Variants in TCEA2 observed in about 807,000 individuals in gnomAD.
TCEA2 encodes transcription elongation factor A protein 2.
TCEA2 carries 21 observed loss-of-function variants against 40.8 expected under a neutral mutation model. The observed-to-expected ratio is 0.51, with a 90% confidence interval of 0.36 to 0.74. The LOEUF is 0.74. TCEA2 is among the 30% of genes least tolerant of loss of function. TCEA2 has a pLI of 0.00. For missense variants in TCEA2, 326 were observed against 426.5 expected (o/e 0.76, Z 2.08); for synonymous variants, 165 against 162.7 (o/e 1.01, Z -0.11).
chr20:64,061,096 CTTT>C (rs71197441), upstream of TCEA2, among the ~76,000 whole-genome samples: 2 of 60,522 alleles, frequency 3.3e-5, no homozygotes, highest in Admixed American at 5.6e-4. Context: ...CAGCCTGAGT[CTTT>C]TTTTTTTTTT....
chr20:64,059,279 C>T (rs2059518898), upstream of TCEA2, among the ~76,000 whole-genome samples: 1 of 152,040 alleles, frequency 6.6e-6, no homozygotes, highest in Admixed American at 6.5e-5. Context: ...GGGTCTCTGA[C>T]CCCCTGGATT....
At chr20:64,066,281 G>A (rs2059691713) in intron 1 of TCEA2, 195 bp from the exon 2 acceptor site, 1 of 590,940 alleles carries the variant, frequency 1.7e-6, no homozygotes, top group Admixed American at 3.0e-5. Flanking sequence ...GAGCAGTAAG[G>A]GTTCCCTGCT....
In TCEA2 at chr20:64,068,132, C is replaced by T; in HGVS notation, c.327C>T (p.Pro109=). ...SSRDASEAPD[P]SRKRPELPRA... ...GGGATGCCTCAGAGGCCCCGGATCC[C>T]AGGTAGCACACCTGGAAGGCAGGTG... The change falls in exon 4 of 10, where the codon CCC becomes CCT. Residue 109 remains proline, a splice_region_variant and synonymous_variant. Transcript: ENST00000343484. 6.2e-7 allele frequency: 1 copy of T among 1,607,440 alleles called. No homozygotes were observed. Among genetic ancestry groups the T allele is most frequent in the Non-Finnish European group, 8.5e-7 (1 of 1,177,444 alleles).
chr20:64,058,344 C>T (rs770610657), upstream of TCEA2, among the ~76,000 whole-genome samples: 2 of 152,234 alleles, frequency 1.3e-5, no homozygotes, highest in African/African-American at 2.4e-5. The surrounding 1 kb of genome is among the most constrained non-coding windows in gnomAD (Gnocchi z 6.7). Context: ...GAGGGATCCC[C>T]GACCTGCCAG....
chr20:64,066,927 G>A lies in TCEA2; in HGVS notation c.148G>A (p.Gly50Arg), dbSNP rs1798285134. The change falls in exon 3 of 10, where the codon GGG becomes AGG. Residue 50 changes from glycine (G) to arginine (R), a missense_variant. By Grantham distance (125) the Gly-to-Arg change is moderately radical. Coordinates refer to ENST00000343484, the MANE Select transcript of TCEA2 (RefSeq NM_003195.6). The part of the protein sequence containing the change: ...TLHLLQSTRV[G>R]MSVNALRKQS... ...ACTTGCCTCGTAGTCCACCCGAGTC[G>A]GGATGTCTGTCAACGCCCTTCGGAA... 6.2e-7 allele frequency: 1 copy of A among 1,613,808 alleles called. No homozygotes were observed. Among genetic ancestry groups the A allele is most frequent in the Non-Finnish European group, 8.5e-7 (1 of 1,179,936 alleles).
intron 1 of TCEA2, 155 bp from the exon 2 acceptor site, chr20:64,066,321 G>A: frequency 1.3e-6 from 1 of 796,774 alleles, no homozygotes. Flanking sequence ...GCAGAGCCCT[G>A]GGTGTCTCCA....
chr20:64,066,372 C>T (rs945052324), intron 1 of TCEA2, 104 bp from the exon 2 acceptor site: 2 of 1,423,450 alleles, frequency 1.4e-6, no homozygotes, highest in African/African-American at 1.4e-5. Flanking sequence ...CAGGTTGAAT[C>T]TCCAAATTGT....
At chr20:64,058,316 C>T (rs1336294210), upstream of TCEA2, among the ~76,000 whole-genome samples, 2 of 152,358 alleles carry the variant, frequency 1.3e-5, no homozygotes, top group East Asian at 1.9e-4. The surrounding 1 kb of genome is among the most constrained non-coding windows in gnomAD (Gnocchi z 6.7). Context: ...GCTGGGCCCA[C>T]GGCTGACACC....
upstream of TCEA2, among the ~76,000 whole-genome samples, chr20:64,059,029 A>G (rs1462023230): frequency 1.3e-5 from 2 of 152,050 alleles, no homozygotes; most frequent in African/African-American, 2.4e-5. Context: ...CGTCTCTACT[A>G]AAAATACAAA....
chr20:64,065,088 G>A lies in TCEA2; in HGVS notation c.73-1388G>A, dbSNP rs555795303. Among the ~76,000 whole-genome samples, 3 of 152,274 alleles carry A rather than the reference G, an allele frequency of 2.0e-5. 1 individual carries two copies. Among genetic ancestry groups the A allele is most frequent in the Middle Eastern group, 6.8e-3 (2 of 294 alleles). ...GAGTGGGAGCCAGCAGAGCCTCCTG[G>A]GGGTCCCAGTGCCTGAGGTCCCCTC... is the stretch of plus-strand genomic sequence containing the variant. On this transcript the variant is annotated intron_variant, in intron 1 of 9. Transcript: ENST00000343484.
Position 64,066,535 on chromosome 20 carries a change from C to T in TCEA2, c.132C>T (p.Leu44=). 6.2e-7 allele frequency: 1 copy of T among 1,613,386 alleles called. No homozygotes were observed. The highest frequency in any genetic ancestry group is 8.5e-7 in the Non-Finnish European group (1 of 1,179,592). Residue 44 remains leucine (L), a synonymous_variant, in exon 2 of 10, where the codon CTC becomes CTT. Transcript: ENST00000343484. ...CCATGCCTATCACGCTGCACCTGCT[C>T]CAGGTAGGTCCCTGCCTGCCCCAGG... ...LKAMPITLHL[L]QSTRVGMSVN... is the part of the protein sequence containing the mutation.
In TCEA2 at chr20:64,058,050, G is replaced by C. The variant is rs1191260201; in HGVS notation, c.-84+399G>C. 6.6e-6 allele frequency among the ~76,000 whole-genome samples: 1 copy of C among 152,220 alleles called. No individual in the cohort carries two copies. The highest frequency in any genetic ancestry group is 1.5e-5 in the Non-Finnish European group (1 of 68,030). On this transcript the variant is annotated intron_variant, in intron 1 of 10. Transcript: ENST00000361317. The surrounding 1 kb of genome is among the most constrained non-coding windows in gnomAD (Gnocchi z 6.7). Reference sequence around the variant, plus strand: ...TTGCAGGTTCCCTGATCACCAGGATGGGCCTACACCTCTCCGCCTGCAGTA... The same window carrying C: ...TTGCAGGTTCCCTGATCACCAGGATCGGCCTACACCTCTCCGCCTGCAGTA...
chr20:64,060,760 C>T (rs1296202154), upstream of TCEA2, among the ~76,000 whole-genome samples: 1 of 152,034 alleles, frequency 6.6e-6, no homozygotes, highest in Non-Finnish European at 1.5e-5. Context: ...AGGCTTTGCT[C>T]CTCACAAGGA....
chr20:64,068,832 GC>G (rs1441548277), intron 4 of TCEA2, among the ~76,000 whole-genome samples: 2 of 152,254 alleles, frequency 1.3e-5, no homozygotes, highest in Admixed American at 1.3e-4. Flanking sequence ...TTGGGGTCCA[GC>G]CCTGAGGGGC....
chr20:64,063,028 G>C (rs1440514211), upstream of TCEA2: 2 of 224,430 alleles, frequency 8.9e-6, no homozygotes, highest in Non-Finnish European at 1.7e-5. Context: ...CACTGGCGAC[G>C]GTGGGTCAGG....
At chr20:64,070,064 C>G in intron 6 of TCEA2, 196 bp from the exon 7 acceptor site, 1 of 921,678 alleles carries the variant, frequency 1.1e-6, no homozygotes, top group Non-Finnish European at 1.7e-6. Context: ...GAAGCTGGGT[C>G]TCAGTCAGGA....
chr20:64,067,106 G>A (rs1299446200), intron 3 of TCEA2, 86 bp downstream of exon 3: 1 of 1,379,604 alleles, frequency 7.2e-7, no homozygotes, highest in South Asian at 1.2e-5. Flanking sequence ...GTAGAGTGCT[G>A]GCAGTGTCCA....
upstream of TCEA2, among the ~76,000 whole-genome samples, chr20:64,060,017 AACTGGG>A (rs1256557288): frequency 2.0e-5 from 3 of 152,140 alleles, no homozygotes; most frequent in Non-Finnish European, 4.4e-5. Context: ...CCAACACTTC[AACTGGG>A]ACTGCGGCGT....
chr20:64,061,237 A>T (rs1192484722), upstream of TCEA2, among the ~76,000 whole-genome samples: 1 of 148,678 alleles, frequency 6.7e-6, no homozygotes, highest in Admixed American at 6.8e-5. Flanking sequence ...AGTAGCTGGG[A>T]TTACAGGCAT....
Sources: allele counts gnomAD v4.1 joint callset (sites outside exome capture counted in the v4.1 genomes callset), GRCh38; gene constraint gnomAD v4.1.1; non-coding constraint Gnocchi (gnomAD v3.1); transcripts MANE v1.5; gene names NCBI Gene and HGNC (gene_info 2026-07-23, HGNC 2026-07-21).